FRMD4A: variants seen among roughly 807,000 people sequenced by gnomAD.
FRMD4A encodes the protein FERM domain-containing protein 4A.
Under a neutral mutation model 129.1 loss-of-function variants are expected in FRMD4A, and 29 were observed. The ratio of observed to expected loss-of-function variants is 0.22; its 90% CI spans 0.17 to 0.31. FRMD4A has a LOEUF of 0.31. Among genes scored for constraint, FRMD4A ranks in the 10% least tolerant of loss-of-function variants. The probability of loss-of-function intolerance (pLI) is 1.00; values close to 1 mark genes in which losing one functional copy is unlikely to be tolerated. For missense variants in FRMD4A, 1,272 were observed against 1,375.8 expected (o/e 0.92, Z 1.19); for synonymous variants, 634 against 571.6 (o/e 1.11, Z -1.56).
intron 2 of FRMD4A, among the ~76,000 whole-genome samples, chr10:14,133,361 A>G (rs967531786): frequency 8.5e-5 from 13 of 152,360 alleles, no homozygotes; most frequent in Admixed American, 8.5e-4. Context: ...GTGAAAAAGT[A>G]CCAAAATAAT....
At chr10:13,881,993 GTGTGTGTGTGTGTGTGT>G (rs2094552061) in intron 2 of FRMD4A, among the ~76,000 whole-genome samples, 130 of 146,292 alleles carry the variant, frequency 8.9e-4, no homozygotes, top group African/African-American at 2.9e-3. Flanking sequence ...AGGCAAGGGT[GTGTGTGTGTGTGTGTGT>G]GTGTGTGTGT....
chr10:13,884,174 A>ACACTCACACACACTCACACATT (rs769193704), intron 2 of FRMD4A, among the ~76,000 whole-genome samples: 12 of 105,216 alleles, frequency 1.1e-4, no homozygotes, highest in African/African-American at 3.2e-4. Context: ...ACACTCACAC[A>ACACTCACACACACTCACACATT]CTCACACACA....
intron 2 of FRMD4A, among the ~76,000 whole-genome samples, chr10:14,313,132 C>A (rs1365481848): frequency 1.3e-5 from 2 of 151,862 alleles, no homozygotes; most frequent in Admixed American, 1.3e-4. Flanking sequence ...ATGGTAGAAC[C>A]ACTTGAGCCC....
At chr10:14,127,130 G>A (rs781238910) in intron 2 of FRMD4A, among the ~76,000 whole-genome samples, 1 of 152,190 alleles carries the variant, frequency 6.6e-6, no homozygotes, top group Non-Finnish European at 1.5e-5. Flanking sequence ...CCACAGGAGG[G>A]AGGCAGGAAA....
At chr10:13,855,313 C>A (rs1351605116) in intron 3 of FRMD4A, among the ~76,000 whole-genome samples, 2 of 152,094 alleles carry the variant, frequency 1.3e-5, no homozygotes, top group Non-Finnish European at 2.9e-5. Context: ...CTTTCTCGCC[C>A]AACACTGATG....
chr10:13,736,964 G>A (rs1356051126), intron 12 of FRMD4A, among the ~76,000 whole-genome samples: 1 of 152,124 alleles, frequency 6.6e-6, no homozygotes, highest in Non-Finnish European at 1.5e-5. Flanking sequence ...GGGTTTACAA[G>A]GACTTTGCAA....
At chr10:13,763,935 T>A (rs1356699761) in intron 6 of FRMD4A, among the ~76,000 whole-genome samples, 1 of 151,924 alleles carries the variant, frequency 6.6e-6, no homozygotes, top group East Asian at 1.9e-4. Context: ...GGGTACCAGG[T>A]TGGCCAGGCT....
chr10:13,723,426 G>T (rs543396163), intron 12 of FRMD4A, among the ~76,000 whole-genome samples: 1 of 152,214 alleles, frequency 6.6e-6, no homozygotes, highest in Non-Finnish European at 1.5e-5. Context: ...AAAGTAGAAT[G>T]ATGGTTCCCA....
At chr10:13,681,474 G>A (rs1193021628) in intron 15 of FRMD4A, among the ~76,000 whole-genome samples, 1 of 71,388 alleles carries the variant, frequency 1.4e-5, no homozygotes, top group Admixed American at 1.1e-4. Context: ...CCTGGAAAGG[G>A]TTGTCCAAAC....
At chr10:13,704,252 T>C (rs191568666) in intron 13 of FRMD4A, among the ~76,000 whole-genome samples, 218 of 152,208 alleles carry the variant, frequency 1.4e-3, no homozygotes, top group African/African-American at 4.8e-3. Flanking sequence ...CCTGAAGCCA[T>C]TTCCTTTCCT....
chr10:14,028,106 G>C (rs1833066203), intron 2 of FRMD4A, among the ~76,000 whole-genome samples: 1 of 152,198 alleles, frequency 6.6e-6, no homozygotes, highest in Admixed American at 6.5e-5. Flanking sequence ...TGTTTTCTTA[G>C]TAACTATATT....
intron 2 of FRMD4A, among the ~76,000 whole-genome samples, chr10:13,954,308 A>C (rs1054218576): frequency 6.6e-5 from 10 of 152,214 alleles, no homozygotes; most frequent in Non-Finnish European, 1.3e-4. Flanking sequence ...ACGGTTTCAC[A>C]TGGCTGGGGA....
At chr10:13,733,595 A>C (rs1312933341) in intron 12 of FRMD4A, among the ~76,000 whole-genome samples, 1 of 152,124 alleles carries the variant, frequency 6.6e-6, no homozygotes, top group African/African-American at 2.4e-5. Context: ...GGCCTGGCTA[A>C]TTTTGTATTT....
At chr10:14,057,082 G>C (rs1834570233) in intron 2 of FRMD4A, among the ~76,000 whole-genome samples, 1 of 152,152 alleles carries the variant, frequency 6.6e-6, no homozygotes, top group Non-Finnish European at 1.5e-5. Context: ...AAAAATGCTA[G>C]TCTTCTTCAC....
intron 2 of FRMD4A, among the ~76,000 whole-genome samples, chr10:14,218,040 G>C (rs1843128909): frequency 6.6e-6 from 1 of 152,110 alleles, no homozygotes; most frequent in South Asian, 2.1e-4. Flanking sequence ...ATGTTGGCCA[G>C]GCTGGTCTCA....
intron 5 of FRMD4A, among the ~76,000 whole-genome samples, chr10:13,783,619 C>T (rs2092789104): frequency 6.6e-6 from 1 of 151,876 alleles, no homozygotes; most frequent in African/African-American, 2.4e-5. Flanking sequence ...CTGCCCACCT[C>T]AGCCTCCCGA....
intron 16 of FRMD4A, among the ~76,000 whole-genome samples, chr10:13,671,440 C>T (rs527258805): frequency 7.6e-4 from 116 of 151,896 alleles, no homozygotes; most frequent in Admixed American, 7.0e-3. Context: ...GGTGACAGAT[C>T]GAGACTCTGT....
chr10:14,090,342 G>A (rs938389340), intron 2 of FRMD4A, among the ~76,000 whole-genome samples: 1 of 152,216 alleles, frequency 6.6e-6, no homozygotes, highest in Non-Finnish European at 1.5e-5. Context: ...AAGAGAAGTG[G>A]GAGGATGATT....
intron 8 of FRMD4A, among the ~76,000 whole-genome samples, chr10:13,760,506 GA>G (rs2092026778): frequency 6.6e-6 from 1 of 152,002 alleles, no homozygotes; most frequent in African/African-American, 2.4e-5. Context: ...GTAACAGAAG[GA>G]GACCTTGTCT....
Sources: gnomAD v4.1 joint callset for allele counts (sites outside exome capture counted in the v4.1 genomes callset) on GRCh38, gnomAD v4.1.1 for gene constraint, MANE v1.5 for transcripts, NCBI Gene and HGNC (gene_info 2026-07-23, HGNC 2026-07-21) for gene names.